Variants in CNTNAP2 observed in about 807,000 individuals in gnomAD.
CNTNAP2 encodes contactin associated protein 2.
CNTNAP2 carries 98 observed loss-of-function variants against 155.2 expected under a neutral mutation model. The ratio of observed to expected loss-of-function variants is 0.63; its 90% CI spans 0.54 to 0.75. The LOEUF is 0.75. Among genes scored for constraint, CNTNAP2 ranks in the 30% least tolerant of loss-of-function variants. The probability of loss-of-function intolerance (pLI) is 0.00; values close to 1 mark genes in which losing one functional copy is unlikely to be tolerated. For missense variants in CNTNAP2, 1,727 were observed against 1,688.1 expected, an observed-to-expected ratio of 1.02 and a Z score of -0.40; for synonymous variants, 651 against 631.2, an observed-to-expected ratio of 1.03 and a Z score of -0.47.
At chr7:147,910,218 T>C (rs1454749246) in intron 14 of CNTNAP2, among the ~76,000 whole-genome samples, 3 of 152,204 alleles carry the variant, frequency 2.0e-5, no homozygotes, top group African/African-American at 4.8e-5. Flanking sequence ...ACTTTTTTCA[T>C]GAAGTTTTAG....
chr7:147,814,410 G>A (rs1252176320), intron 13 of CNTNAP2, among the ~76,000 whole-genome samples: 1 of 152,122 alleles, frequency 6.6e-6, no homozygotes, highest in Non-Finnish European at 1.5e-5. Context: ...TCAAAATGGT[G>A]TAGCTGCATT....
chr7:147,508,313 A>G (rs1022627707), intron 11 of CNTNAP2, among the ~76,000 whole-genome samples: 1 of 152,084 alleles, frequency 6.6e-6, no homozygotes, highest in African/African-American at 2.4e-5. Flanking sequence ...CATTTCCTAT[A>G]AAGGAAAAAC....
At chr7:146,684,517 G>T (rs953574229) in intron 1 of CNTNAP2, among the ~76,000 whole-genome samples, 4 of 151,190 alleles carry the variant, frequency 2.6e-5, no homozygotes, top group African/African-American at 9.8e-5. Context: ...CAAAAATGTG[G>T]CATAACTTAT....
intron 10 of CNTNAP2, among the ~76,000 whole-genome samples, chr7:147,403,707 A>G (rs1796956846): frequency 6.6e-6 from 1 of 152,150 alleles, no homozygotes; most frequent in Non-Finnish European, 1.5e-5. Flanking sequence ...AATTAAATCC[A>G]CATGTTTCTT....
At chr7:146,666,649 T>A (rs1470983681) in intron 1 of CNTNAP2, among the ~76,000 whole-genome samples, 4 of 152,170 alleles carry the variant, frequency 2.6e-5, no homozygotes. Context: ...TCCACATCCT[T>A]TCAAGCATTG....
chr7:146,928,687 G>A (rs910519819), intron 3 of CNTNAP2, among the ~76,000 whole-genome samples: 1 of 152,242 alleles, frequency 6.6e-6, no homozygotes, highest in Non-Finnish European at 1.5e-5. Context: ...CCTAGTCAAA[G>A]AAAGGGGTGA....
At chr7:147,741,504 T>C (rs1796957079) in intron 13 of CNTNAP2, among the ~76,000 whole-genome samples, 2 of 152,238 alleles carry the variant, frequency 1.3e-5, no homozygotes, top group African/African-American at 4.8e-5. Flanking sequence ...GTGAAAAATG[T>C]TAAGTTTCTT....
intron 2 of CNTNAP2, among the ~76,000 whole-genome samples, chr7:146,813,584 G>A (rs1803109175): frequency 6.6e-6 from 1 of 152,158 alleles, no homozygotes; most frequent in South Asian, 2.1e-4. Flanking sequence ...CAGGCTTATA[G>A]GTGGAAGGGA....
chr7:147,103,019 C>T (rs180705175), intron 4 of CNTNAP2, among the ~76,000 whole-genome samples: 16 of 152,182 alleles, frequency 1.1e-4, no homozygotes, highest in South Asian at 4.2e-4. Flanking sequence ...GATGGGTCAG[C>T]GAGATTCTTG....
At chr7:146,842,176 T>G (rs770113577) in intron 3 of CNTNAP2, among the ~76,000 whole-genome samples, 2 of 152,050 alleles carry the variant, frequency 1.3e-5, no homozygotes, top group Non-Finnish European at 2.9e-5. Flanking sequence ...CGTGAGCCAC[T>G]GCACCTGGCC....
intron 12 of CNTNAP2, among the ~76,000 whole-genome samples, chr7:147,575,374 G>C (rs5006632): frequency 1.3e-5 from 1 of 78,306 alleles, no homozygotes. Flanking sequence ...CTTTAGGGGT[G>C]TGTGTGTGTG....
At chr7:146,589,899 A>G (rs985709427) in intron 1 of CNTNAP2, among the ~76,000 whole-genome samples, 1 of 152,164 alleles carries the variant, frequency 6.6e-6, no homozygotes, top group Admixed American at 6.6e-5. Context: ...GCATCCACAT[A>G]GTATACCAGG....
At chr7:148,062,048 T>A (rs1340338316) in intron 15 of CNTNAP2, among the ~76,000 whole-genome samples, 7 of 150,270 alleles carry the variant, frequency 4.7e-5, no homozygotes, top group South Asian at 2.1e-4. Context: ...TGTGTGTGTG[T>A]GTGTGTGTGT....
intron 13 of CNTNAP2, among the ~76,000 whole-genome samples, chr7:147,850,634 T>G (rs1216234347): frequency 6.6e-6 from 1 of 152,232 alleles, no homozygotes; most frequent in Non-Finnish European, 1.5e-5. Context: ...TACAACCATC[T>G]GATCTTTGAC....
At chr7:146,779,947 A>T (rs1410270346) in intron 2 of CNTNAP2, among the ~76,000 whole-genome samples, 2 of 152,194 alleles carry the variant, frequency 1.3e-5, no homozygotes, top group Non-Finnish European at 2.9e-5. Context: ...TTCTACGTGT[A>T]TCTCAAAGAG....
At chr7:146,489,130 C>G (rs1797101924) in intron 1 of CNTNAP2, among the ~76,000 whole-genome samples, 1 of 152,130 alleles carries the variant, frequency 6.6e-6, no homozygotes, top group African/African-American at 2.4e-5. Context: ...TTACTATCAC[C>G]CAACAACAGT....
chr7:146,850,143 A>C (rs1176740808), intron 3 of CNTNAP2, among the ~76,000 whole-genome samples: 2 of 152,234 alleles, frequency 1.3e-5, no homozygotes, highest in African/African-American at 4.8e-5. Context: ...AAAAAGATAT[A>C]GTGCTGACAG....
At chr7:148,099,870 T>TG (rs768668830) in intron 15 of CNTNAP2, among the ~76,000 whole-genome samples, 18 of 74,024 alleles carry the variant, frequency 2.4e-4, no homozygotes, top group African/African-American at 1.6e-3. Context: ...TTTTTTTGGT[T>TG]TTTTTTTTTT....
chr7:146,222,880 C>T (rs531221929), intron 1 of CNTNAP2, among the ~76,000 whole-genome samples: 16 of 151,808 alleles, frequency 1.1e-4, no homozygotes, highest in Non-Finnish European at 1.9e-4. Context: ...AGGATGGTCT[C>T]GATCTCCTGA....
Sources: gnomAD v4.1 joint callset for allele counts (sites outside exome capture counted in the v4.1 genomes callset) on GRCh38, gnomAD v4.1.1 for gene constraint, MANE v1.5 for transcripts, NCBI Gene and HGNC (gene_info 2026-07-23, HGNC 2026-07-21) for gene names.